Variants in MRPL3 observed in about 807,000 individuals in gnomAD.
MRPL3 encodes mitochondrial ribosomal protein L3, also known as large ribosomal subunit protein uL3m.
MRPL3 carries 43 observed loss-of-function variants against 44.3 expected under a neutral mutation model. That is an observed-to-expected ratio of 0.97 (90% CI 0.76 to 1.25). MRPL3 has a LOEUF of 1.25. MRPL3 is among the 50% of genes most tolerant of loss of function. MRPL3 has a pLI of 0.00. For synonymous variants in MRPL3, 171 were observed against 152.3 expected, an observed-to-expected ratio of 1.12 and a Z score of -0.91; for missense variants, 406 against 427.6, an observed-to-expected ratio of 0.95 and a Z score of 0.45.
chr3:131,493,009 G>A (rs1934291956), intron 4 of MRPL3, among the ~76,000 whole-genome samples: 1 of 152,176 alleles, frequency 6.6e-6, no homozygotes, highest in African/African-American at 2.4e-5. Context: ...TTCCTGATGT[G>A]AAGAGTGCCT....
In MRPL3 at chr3:131,489,824, T is replaced by TA. The variant is rs372802949; in HGVS notation, c.568+156dup. Among the ~76,000 whole-genome samples the TA allele has an allele frequency of 7.6e-3, 892 of 116,858 alleles. 4 individuals are homozygous for TA. Among genetic ancestry groups the TA allele is most frequent in the African/African-American group, 0.013 (421 of 31,624 alleles). The allele number at this position is 116,858 out of a possible 152,430, so 76.7% of individuals were successfully genotyped here. On this transcript the variant is annotated intron_variant, in intron 5 of 9. Coordinates refer to ENST00000264995, the MANE Select transcript of MRPL3 (RefSeq NM_007208.4). ...AAGAGTTATCTACAGGTTTTTCCAC[T>TA]AAAAAAAAAAAAAAACAAAATGAGA...
At chr3:131,493,477 TG>T (rs1289135189) in intron 4 of MRPL3, among the ~76,000 whole-genome samples, 2 of 152,244 alleles carry the variant, frequency 1.3e-5, no homozygotes, top group African/African-American at 2.4e-5. Flanking sequence ...TGTGAGCACC[TG>T]GATGGTAAAG....
intron 6 of MRPL3, among the ~76,000 whole-genome samples, chr3:131,471,611 T>A (rs1933745875): frequency 1.3e-5 from 2 of 152,188 alleles, no homozygotes; most frequent in African/African-American, 4.8e-5. Context: ...GGAAAAGCTC[T>A]AGAAGTTTCA....
chr3:131,479,168 TTC>T (rs1483458092), intron 6 of MRPL3: 1 of 519,172 alleles, frequency 1.9e-6, no homozygotes, highest in Non-Finnish European at 3.8e-6. Context: ...CTCCAAATTA[TTC>T]TTGCATACAC....
intron 6 of MRPL3, among the ~76,000 whole-genome samples, chr3:131,478,702 T>C (rs1933909799): frequency 7.2e-6 from 1 of 138,812 alleles, no homozygotes; most frequent in African/African-American, 2.7e-5. Context: ...ACCTGTGAAA[T>C]ATTCGATTTT....
chr3:131,493,349 C>G (rs1934298799), intron 4 of MRPL3, among the ~76,000 whole-genome samples: 1 of 152,220 alleles, frequency 6.6e-6, no homozygotes, highest in Non-Finnish European at 1.5e-5. Flanking sequence ...CCTCTCTGAG[C>G]AGCCTTACCA....
chr3:131,497,910 T>A (rs1350404455), intron 4 of MRPL3: 2 of 383,508 alleles, frequency 5.2e-6, no homozygotes, highest in Non-Finnish European at 9.3e-6. Context: ...TATGTAGTAT[T>A]TTTGTTCCCA....
intron 8 of MRPL3, among the ~76,000 whole-genome samples, chr3:131,468,979 C>A (rs571569541): frequency 6.6e-6 from 1 of 152,066 alleles, no homozygotes; most frequent in East Asian, 1.9e-4. Context: ...ACTTCCTACA[C>A]TTTAAAACAT....
chr3:131,481,757 ATT>A (rs1369160015), intron 6 of MRPL3, among the ~76,000 whole-genome samples: 3 of 152,254 alleles, frequency 2.0e-5, no homozygotes, highest in Admixed American at 6.5e-5. Context: ...TACAAAGATT[ATT>A]TCTCTCTATA....
chr3:131,501,707 ATG>A lies in MRPL3; in HGVS notation c.99_100del (p.Ile34LeufsTer5), dbSNP rs1170621878. On this transcript the variant is annotated frameshift_variant, in exon 2 of 10. Coordinates refer to ENST00000264995, the MANE Select transcript of MRPL3 (RefSeq NM_007208.4). LOFTEE classifies it high-confidence loss of function. Reference sequence around the variant, plus strand: ...ATGAAGACCTCTAACAAAAAGCCAGATGTGTGTTCTATAAAAAGAAAAAATAA... The same window carrying A: ...ATGAAGACCTCTAACAAAAAGCCAGATGTGTTCTATAAAAAGAAAAAATAA... The A allele has an allele frequency of 6.2e-7, 1 of 1,607,716 alleles. No homozygotes were observed. The highest frequency in any genetic ancestry group is 1.7e-5 in the Admixed American group (1 of 58,644).
At chr3:131,483,138 G>A (rs1036355233) in intron 6 of MRPL3, among the ~76,000 whole-genome samples, 5 of 151,906 alleles carry the variant, frequency 3.3e-5, no homozygotes, top group Non-Finnish European at 7.4e-5. Flanking sequence ...CTTCAAAATC[G>A]AGACTGAAAG....
intron 4 of MRPL3, among the ~76,000 whole-genome samples, chr3:131,495,765 T>C (rs956719553): frequency 2.6e-5 from 4 of 152,164 alleles, no homozygotes; most frequent in East Asian, 1.9e-4. Context: ...CTAAGTAAAA[T>C]AGAATAAATT....
chr3:131,471,090 T>C, intron 7 of MRPL3, 81 bp downstream of exon 7: 1 of 962,874 alleles, frequency 1.0e-6, no homozygotes, highest in African/African-American at 1.6e-5. Context: ...TTATGTGACT[T>C]CATATCAAGG....
intron 4 of MRPL3, among the ~76,000 whole-genome samples, chr3:131,497,449 C>T (rs1325151460): frequency 6.6e-6 from 1 of 152,044 alleles, no homozygotes; most frequent in Non-Finnish European, 1.5e-5. Context: ...CTAATTTCTG[C>T]CTTGTTCATT....
intron 6 of MRPL3, chr3:131,479,374 T>C (rs1168226672): frequency 5.3e-6 from 1 of 188,548 alleles, no homozygotes; most frequent in Admixed American, 5.7e-5. Flanking sequence ...CAAATCAGGC[T>C]ACATTTTTAA....
chr3:131,485,736 T>C (rs1934103230), intron 6 of MRPL3, among the ~76,000 whole-genome samples: 1 of 152,156 alleles, frequency 6.6e-6, no homozygotes, highest in Non-Finnish European at 1.5e-5. Context: ...CATTTCTAAA[T>C]AGCGAAATGA....
chr3:131,501,969 C>G, intron 1 of MRPL3: 2 of 1,465,526 alleles, frequency 1.4e-6, no homozygotes, highest in Non-Finnish European at 1.8e-6. Flanking sequence ...AACATATTCC[C>G]CAAAAAACAG....
At chr3:131,501,398 A>G (rs1934494209) in intron 2 of MRPL3, 133 bp downstream of exon 2, 1 of 814,002 alleles carries the variant, frequency 1.2e-6, no homozygotes, top group Admixed American at 2.7e-5. Flanking sequence ...AAAACAAACC[A>G]CAATAAAACA....
chr3:131,468,298 G>C, intron 8 of MRPL3, 130 bp from the exon 9 acceptor site: 2 of 521,194 alleles, frequency 3.8e-6, no homozygotes, highest in South Asian at 3.5e-5. Context: ...TGTTGAATAA[G>C]AACTGAAAAA....
Sources: allele counts gnomAD v4.1 joint callset (sites outside exome capture counted in the v4.1 genomes callset), GRCh38; gene constraint gnomAD v4.1.1; transcripts MANE v1.5; gene names NCBI Gene and HGNC (gene_info 2026-07-23, HGNC 2026-07-21).